Variants in SIDT1 observed in about 807,000 individuals in gnomAD.
SIDT1 encodes the protein SID1 transmembrane family member 1.
In SIDT1, 101 loss-of-function variants were observed where a neutral mutation model predicts 107.5. The observed-to-expected ratio is 0.94, with a 90% confidence interval of 0.80 to 1.11. The LOEUF (loss-of-function observed/expected upper bound fraction) is 1.11, where lower values mean the gene tolerates loss of function less well. Among genes scored for constraint, SIDT1 ranks in the 50% least tolerant of loss-of-function variants. The probability of loss-of-function intolerance (pLI) is 0.00; values close to 1 mark genes in which losing one functional copy is unlikely to be tolerated. For missense variants in SIDT1, 1,076 were observed against 1,058.2 expected (o/e 1.02, Z -0.23); for synonymous variants, 395 against 398.2 (o/e 0.99, Z 0.10).
intron 9 of SIDT1, among the ~76,000 whole-genome samples, chr3:113,590,636 G>T (rs1323979897): frequency 6.6e-6 from 1 of 151,966 alleles, no homozygotes; most frequent in Non-Finnish European, 1.5e-5. Context: ...AGATCAATAT[G>T]CAAAAAATCA....
intron 17 of SIDT1, among the ~76,000 whole-genome samples, chr3:113,610,293 A>C (rs1945641020): frequency 6.6e-6 from 1 of 152,172 alleles, no homozygotes; most frequent in South Asian, 2.1e-4. Flanking sequence ...TGGTTTGTGC[A>C]CCTTCTATTT....
intron 17 of SIDT1, among the ~76,000 whole-genome samples, chr3:113,609,769 G>C (rs1184199413): frequency 1.3e-5 from 2 of 152,126 alleles, no homozygotes; most frequent in Admixed American, 6.5e-5. Flanking sequence ...GAAAACTGCA[G>C]AGAATGATAT....
intron 17 of SIDT1, among the ~76,000 whole-genome samples, chr3:113,610,647 T>G (rs1258122288): frequency 6.6e-6 from 1 of 152,194 alleles, no homozygotes; most frequent in South Asian, 2.1e-4. Flanking sequence ...TTATCACCAT[T>G]AGGAATTCTT....
At position 113,583,468 on chromosome 3, in the gene SIDT1, T is replaced by C; in HGVS notation, c.807T>C (p.Tyr269=). The C allele has an allele frequency of 6.3e-7, 1 of 1,599,230 alleles. No individual in the cohort carries two copies. ...TATTTGTGATAAAGCCTGAAGATTA[T>C]GCCTGTGGAGGATCTTTCTTCATCC... The part of the protein sequence containing the change: ...FVVFVIKPED[Y]ACGGSFFIQE... The change falls in exon 7 of 25, where the codon TAT becomes TAC. Residue 269 remains tyrosine, a synonymous_variant. Coordinates refer to ENST00000264852, the MANE Select transcript of SIDT1 (RefSeq NM_017699.3).
At chr3:113,564,102 C>A (rs868358757) in intron 1 of SIDT1, among the ~76,000 whole-genome samples, 8 of 152,174 alleles carry the variant, frequency 5.3e-5, no homozygotes, top group Middle Eastern at 3.2e-3. Context: ...GCATGCGCCA[C>A]CACGCCCAGC....
At chr3:113,631,661 A>G (rs2278941), downstream of SIDT1, among the ~76,000 whole-genome samples, 50,977 of 152,040 alleles carry the variant, frequency 0.34, 8,559 homozygotes, top group Non-Finnish European at 0.35. Flanking sequence ...CTGGGGAAGA[A>G]TCACAGATCA....
At chr3:113,571,808 A>G (rs4682493) in intron 3 of SIDT1, among the ~76,000 whole-genome samples, 44,604 of 152,048 alleles carry the variant, frequency 0.29, 7,298 homozygotes, top group East Asian at 0.59. Flanking sequence ...GGTGGTGCAC[A>G]CCTGTAATCC....
At chr3:113,553,347 T>C (rs1940483189) in intron 1 of SIDT1, among the ~76,000 whole-genome samples, 1 of 152,006 alleles carries the variant, frequency 6.6e-6, no homozygotes, top group Admixed American at 6.6e-5. Context: ...ATAAATTATA[T>C]CACAAAAATA....
Position 113,607,582 on chromosome 3 carries a change from G to A in SIDT1, c.1478+468G>A, listed in dbSNP as rs16861230. On this transcript the variant is annotated intron_variant, in intron 15 of 24. Coordinates refer to ENST00000264852, the MANE Select transcript of SIDT1 (RefSeq NM_017699.3). ...GCTCTAGCCACCAGAACTTGGTGAC[G>A]TGGAAGAAGCATTGCCTGGGAGTTG... 5.3e-3 allele frequency among the ~76,000 whole-genome samples: 808 copies of A among 152,382 alleles called. 11 individuals are homozygous for A. The highest frequency in any genetic ancestry group is 0.032 in the Admixed American group (486 of 15,310).
At chr3:113,542,704 T>A (rs1031470369) in intron 1 of SIDT1, among the ~76,000 whole-genome samples, 14 of 152,168 alleles carry the variant, frequency 9.2e-5, no homozygotes, top group African/African-American at 3.1e-4. Flanking sequence ...AGCATTCTTC[T>A]GTTGTGTTTG....
intron 1 of SIDT1, among the ~76,000 whole-genome samples, chr3:113,538,209 G>A (rs542272610): frequency 7.2e-5 from 11 of 152,116 alleles, no homozygotes; most frequent in Non-Finnish European, 1.6e-4. Context: ...ATTTTGGTGG[G>A]GACACAAACA....
intron 1 of SIDT1, among the ~76,000 whole-genome samples, chr3:113,539,052 G>A (rs1054976598): frequency 1.3e-5 from 2 of 151,886 alleles, no homozygotes; most frequent in African/African-American, 4.8e-5. Flanking sequence ...TCTATAACGG[G>A]AAACTTCACC....
chr3:113,626,846 A>G (rs1025560640), intron 24 of SIDT1, among the ~76,000 whole-genome samples: 1 of 152,120 alleles, frequency 6.6e-6, no homozygotes, highest in African/African-American at 2.4e-5. Context: ...GGCAGGTTCA[A>G]TTGACAATTA....
intron 4 of SIDT1, among the ~76,000 whole-genome samples, chr3:113,578,360 G>C (rs1560064651): frequency 6.6e-6 from 1 of 151,834 alleles, no homozygotes; most frequent in South Asian, 2.1e-4. Context: ...CCAGCTACTC[G>C]GGAGGCTGAG....
intron 1 of SIDT1, among the ~76,000 whole-genome samples, chr3:113,557,300 T>C (rs1940982669): frequency 6.6e-6 from 1 of 152,232 alleles, no homozygotes; most frequent in South Asian, 2.1e-4. Flanking sequence ...TTTAAAATCC[T>C]ACAAACCTAA....
intron 1 of SIDT1, among the ~76,000 whole-genome samples, chr3:113,549,671 A>G (rs1939994730): frequency 6.6e-6 from 1 of 152,018 alleles, no homozygotes; most frequent in African/African-American, 2.4e-5. Context: ...ATATTTTGCA[A>G]ATATTTTCTC....
In SIDT1 at chr3:113,561,622, G is replaced by C. The variant is rs535100149; in HGVS notation, c.223-4798G>C. On this transcript the variant is annotated intron_variant, in intron 1 of 24. Transcript: ENST00000264852. ...TGCTGACAAATGGAGTTATCCATTA[G>C]ATGGTTTCTTTGGAACTATCCTTCC... Among the ~76,000 whole-genome samples, 26 of 152,304 alleles carry C rather than the reference G, an allele frequency of 1.7e-4. No individual in the cohort carries two copies. In the South Asian group the frequency reaches 4.8e-3, roughly 28 times the overall value.
At chr3:113,538,639 A>G (rs1033261255) in intron 1 of SIDT1, among the ~76,000 whole-genome samples, 2 of 152,256 alleles carry the variant, frequency 1.3e-5, no homozygotes, top group African/African-American at 4.8e-5. Flanking sequence ...TGTAGTTACC[A>G]GAAAATTTTC....
At chr3:113,545,114 TAAAAAAA>T (rs554009768) in intron 1 of SIDT1, among the ~76,000 whole-genome samples, 27 of 73,970 alleles carry the variant, frequency 3.7e-4, no homozygotes, top group Middle Eastern at 7.7e-3. Flanking sequence ...GAGACTCTGT[TAAAAAAA>T]AAAAAAAAAA....
Sources: allele counts gnomAD v4.1 joint callset (sites outside exome capture counted in the v4.1 genomes callset), GRCh38; gene constraint gnomAD v4.1.1; transcripts MANE v1.5; gene names NCBI Gene and HGNC (gene_info 2026-07-23, HGNC 2026-07-21).